SMARCD2: variants seen among roughly 807,000 people sequenced by gnomAD.
SMARCD2 encodes the protein SWI/SNF related BAF chromatin remodeling complex subunit D2.
In SMARCD2, 39 loss-of-function variants were observed where a neutral mutation model predicts 70.4. The ratio of observed to expected loss-of-function variants is 0.55; its 90% CI spans 0.43 to 0.72. The LOEUF is 0.72. SMARCD2 is among the 30% of genes least tolerant of loss of function. SMARCD2 has a pLI of 0.00. For synonymous variants in SMARCD2, 249 were observed against 279.4 expected (o/e 0.89, Z 1.08); for missense variants, 540 against 713.4 (o/e 0.76, Z 2.77).
At chr17:63,838,677 C>T in intron 1 of SMARCD2, 1 of 1,431,878 alleles carries the variant, frequency 7.0e-7, no homozygotes, top group African/African-American at 1.4e-5. Flanking sequence ...CACCCGCCTC[C>T]CCATGGCTGC....
rs1567759950 is a variant in SMARCD2 at position 63,833,184 on chromosome 17, G to A, written c.1441-14C>T. Reference sequence around the variant, plus strand: ...ATCAGTGATGATCTGCAAAGAGCCAGGAGGAAAGCCATAGCATAATCCCCA... The same window carrying A: ...ATCAGTGATGATCTGCAAAGAGCCAAGAGGAAAGCCATAGCATAATCCCCA... On this transcript the variant is annotated splice_polypyrimidine_tract_variant and intron_variant, in intron 11 of 12. Transcript: ENST00000448276. The surrounding 1 kb of genome is among the most constrained non-coding windows in gnomAD (Gnocchi z 4.3). The A allele has an allele frequency of 6.2e-7, 1 of 1,608,634 alleles. No individual in the cohort carries two copies. Among genetic ancestry groups the A allele is most frequent in the Non-Finnish European group, 8.5e-7 (1 of 1,177,108 alleles).
rs910562616 is a variant in SMARCD2, at chr17:63,834,158, C to T, written c.1083+9G>A. On this transcript the variant is annotated intron_variant, in intron 8 of 12. Coordinates refer to ENST00000448276, the MANE Select transcript of SMARCD2 (RefSeq NM_001098426.2). The surrounding 1 kb of genome is among the most constrained non-coding windows in gnomAD (Gnocchi z 5.6). ...GGGCTGAGAAAACGGGGGCTGGCAT[C>T]TGGCTAACCTGGCGGAAGTAACGGT... is the stretch of plus-strand genomic sequence containing the variant. 3 of 1,608,154 alleles carry T rather than the reference C, an allele frequency of 1.9e-6. No individual in the cohort carries two copies. The Admixed American group carries it at 5.1e-5, about 27-fold the overall frequency.
Position 63,834,732 on chromosome 17 carries a change from C to G in SMARCD2, c.792G>C (p.Leu264=). 2 of 1,613,604 alleles carry G rather than the reference C, an allele frequency of 1.2e-6. No individual in the cohort carries two copies. The highest frequency in any genetic ancestry group is 2.2e-5 in the South Asian group (2 of 91,092). ...KSLVIELDKE[L]YGPDNHLVEW... is the part of the protein sequence containing the mutation. Reference sequence around the variant, plus strand: ...CCACCAGGTGATTGTCAGGCCCGTACAGCTCCTTGTCCAGCTCAATGACGA... The same window carrying G: ...CCACCAGGTGATTGTCAGGCCCGTAGAGCTCCTTGTCCAGCTCAATGACGA... The change falls in exon 6 of 13, where the codon CTG becomes CTC. Residue 264 remains leucine (L), a synonymous_variant. Transcript: ENST00000448276. The surrounding 1 kb of genome is among the most constrained non-coding windows in gnomAD (Gnocchi z 5.6).
At chr17:63,839,408 G>A (rs1904353348) in intron 1 of SMARCD2, among the ~76,000 whole-genome samples, 1 of 152,010 alleles carries the variant, frequency 6.6e-6, no homozygotes, top group Non-Finnish European at 1.5e-5. Context: ...TCATAGGCAG[G>A]GTCTGGAATA....
At chr17:63,842,397 C>A (rs942164490) in intron 1 of SMARCD2, 62 bp downstream of exon 1, 7 of 1,286,308 alleles carry the variant, frequency 5.4e-6, no homozygotes, top group Non-Finnish European at 6.9e-6. Flanking sequence ...CCCCTTCAGC[C>A]GCCGGCCCGG....
chr17:63,834,092 G>A lies in SMARCD2; in HGVS notation c.1083+75C>T. The A allele has an allele frequency of 6.3e-7, 1 of 1,596,400 alleles. No homozygotes were observed. The highest frequency in any genetic ancestry group is 8.6e-7 in the Non-Finnish European group (1 of 1,165,430). On this transcript the variant is annotated intron_variant, in intron 8 of 12. Coordinates refer to ENST00000448276, the MANE Select transcript of SMARCD2 (RefSeq NM_001098426.2). This position sits in a 1 kb window ranked among gnomAD's most constrained non-coding sequence, Gnocchi z 5.6. ...GGACCAGTGAGGGCAGCAGTCTGCA[G>A]GCTGTGGCCAAGGAGTAGCCCAGCA...
rs1665889203 is a variant in SMARCD2, at chr17:63,842,569, T to C, written c.106A>G (p.Met36Val). 1 of 1,205,312 alleles carries C rather than the reference T, an allele frequency of 8.3e-7. No homozygotes were observed. Among genetic ancestry groups the C allele is most frequent in the Non-Finnish European group, 1.0e-6 (1 of 971,290 alleles). The allele number at this position is 1,205,312 out of a possible 1,614,324, so 74.7% of individuals were successfully genotyped here. ...GAPPPPAGPG[M>V]LPGPALRGPG... Reference sequence around the variant, plus strand: ...CCCCGGAGCGCCGGTCCGGGCAGCATGCCGGGTCCCGCGGGGGGAGGCGGC... The same window carrying C: ...CCCCGGAGCGCCGGTCCGGGCAGCACGCCGGGTCCCGCGGGGGGAGGCGGC... The change falls in exon 1 of 13, where the codon ATG (methionine) becomes GTG (valine). Residue 36 changes from methionine (M) to valine (V), a missense_variant. By Grantham distance (21) the Met-to-Val change is conservative. Transcript: ENST00000448276.
At position 63,832,189 on chromosome 17, in the gene SMARCD2, C is replaced by G. The variant is rs1269345158; in HGVS notation, c.*749G>C. 1.7e-6 allele frequency: 1 copy of G among 589,646 alleles called. No homozygotes were observed. The highest frequency in any genetic ancestry group is 3.0e-6 in the Non-Finnish European group (1 of 330,802). The allele number at this position is 589,646 out of a possible 1,614,324, so 36.5% of individuals were successfully genotyped here. ...AGCTCCAAAGGGCAACACCAGTCCT[C>G]CCAGCCTCCCCATTCACCTTACCCT... On this transcript the variant is annotated 3_prime_UTR_variant, in exon 13 of 13. Transcript: ENST00000448276.
chr17:63,835,298 T>C, intron 5 of SMARCD2, 114 bp downstream of exon 5: 18 of 1,153,860 alleles, frequency 1.6e-5, no homozygotes, highest in Non-Finnish European at 2.1e-5. Context: ...AATTTTTAAA[T>C]TTTTTGTAGA....
intron 5 of SMARCD2, chr17:63,835,113 CAA>C (rs2144629415): frequency 1.9e-6 from 1 of 532,944 alleles, no homozygotes; most frequent in Non-Finnish European, 3.3e-6. Context: ...TGGGAGCGCC[CAA>C]GTGTCTGGCC....
chr17:63,842,161 C>T (rs1184353053), intron 1 of SMARCD2, among the ~76,000 whole-genome samples: 5 of 152,134 alleles, frequency 3.3e-5, no homozygotes, highest in Non-Finnish European at 7.4e-5. Context: ...CTTCTCAACC[C>T]ACCCGCCACA....
Position 63,837,090 on chromosome 17 carries a change from C to T in SMARCD2, c.445-46G>A. The T allele has an allele frequency of 6.2e-7, 1 of 1,613,068 alleles. No homozygotes were observed. Among genetic ancestry groups the T allele is most frequent in the South Asian group, 1.1e-5 (1 of 91,066 alleles). On this transcript the variant is annotated intron_variant, in intron 3 of 12. Coordinates refer to ENST00000448276, the MANE Select transcript of SMARCD2 (RefSeq NM_001098426.2). The surrounding 1 kb of genome is among the most constrained non-coding windows in gnomAD (Gnocchi z 6.4). ...CTCATCAGCTTGCTTCAGCCAAAGC[C>T]TGGCTCTTTCCTCCCTTCCTGCTGC...
chr17:63,838,632 T>C, intron 1 of SMARCD2: 1 of 1,496,196 alleles, frequency 6.7e-7, no homozygotes, highest in Non-Finnish European at 8.9e-7. Context: ...TCCCTGACAT[T>C]TCTGTGGAGC....
At chr17:63,836,256 G>T (rs1416477539) in intron 4 of SMARCD2, among the ~76,000 whole-genome samples, 1 of 151,440 alleles carries the variant, frequency 6.6e-6, no homozygotes, top group South Asian at 2.1e-4. Context: ...GGGTGCAGTG[G>T]CTCACGCCTG....
rs561783068 is a variant in SMARCD2, at chr17:63,842,365, T to A, written c.216+94A>T. The A allele has an allele frequency of 2.5e-6, 3 of 1,201,970 alleles. No individual in the cohort carries two copies. The South Asian group carries it at 6.7e-5, about 27-fold the overall frequency. The allele number at this position is 1,201,970 out of a possible 1,614,324, so 74.5% of individuals were successfully genotyped here. A position where few individuals can be genotyped will look rare whatever the true frequency, so the allele number is the denominator to read the frequency against. On this transcript the variant is annotated intron_variant, in intron 1 of 12. Coordinates refer to ENST00000448276, the MANE Select transcript of SMARCD2 (RefSeq NM_001098426.2). The stretch of plus-strand genomic sequence containing the variant: ...CCGTCTCCCGGAGTTCCTCATGCAT[T>A]CCCCAGGGCCCTCACTCGAGGCCCC...
chr17:63,837,526 C>T lies in SMARCD2; in HGVS notation c.316G>A (p.Gly106Ser), dbSNP rs781454839. The change falls in exon 2 of 13, where the codon GGC (glycine) becomes AGC (serine). Residue 106 changes from glycine (G) to serine (S), a missense_variant. Coordinates refer to ENST00000448276, the MANE Select transcript of SMARCD2 (RefSeq NM_001098426.2). The surrounding 1 kb of genome is among the most constrained non-coding windows in gnomAD (Gnocchi z 6.4). ...GGATCCATCATGGTGGGTGGCATGC[C>T]AGGTCGAAGCGGAGCTGCTGCACCA... ...PFGAAAPLRP[G>S]MPPTMMDPFR... 9 of 1,607,992 alleles carry T rather than the reference C, an allele frequency of 5.6e-6. No homozygotes were observed. The East Asian group carries it at 2.0e-4, about 36-fold the overall frequency.
intron 5 of SMARCD2, chr17:63,835,178 C>A: frequency 3.6e-6 from 2 of 558,858 alleles, no homozygotes; most frequent in South Asian, 4.6e-5. Context: ...GGCTGAAGTG[C>A]AGTGGTGTGA....
intron 1 of SMARCD2, 72 bp downstream of exon 1, chr17:63,842,387 C>A (rs1803351250): frequency 2.4e-6 from 3 of 1,262,884 alleles, no homozygotes; most frequent in East Asian, 3.9e-5. Context: ...TCACTCGAGG[C>A]CCCTTCAGCC....
chr17:63,840,592 C>T (rs901095519), intron 1 of SMARCD2, among the ~76,000 whole-genome samples: 8 of 152,150 alleles, frequency 5.3e-5, no homozygotes, highest in Non-Finnish European at 1.5e-5. Context: ...CAACTATTTG[C>T]TCAGCTTGGG....
Sources: gnomAD v4.1 joint callset for allele counts (sites outside exome capture counted in the v4.1 genomes callset) on GRCh38, gnomAD v4.1.1 for gene constraint, Gnocchi (gnomAD v3.1) non-coding constraint, MANE v1.5 for transcripts, NCBI Gene and HGNC (gene_info 2026-07-23, HGNC 2026-07-21) for gene names.